TAOK3: variants seen among roughly 807,000 people sequenced by gnomAD.
TAOK3 encodes the protein TAO kinase 3.
A neutral mutation model predicts 120.4 loss-of-function variants in TAOK3; 40 were observed. The observed-to-expected ratio is 0.33, with a 90% CI of 0.26 to 0.43. The LOEUF (loss-of-function observed/expected upper bound fraction) is 0.43. TAOK3 is among the 20% of genes least tolerant of loss of function. TAOK3 has a pLI of 1.00. For synonymous variants in TAOK3, 355 were observed against 387.5 expected (o/e 0.92, Z 0.99); for missense variants, 821 against 1,112.1 (o/e 0.74, Z 3.72).
intron 1 of TAOK3, among the ~76,000 whole-genome samples, chr12:118,328,375 T>A (rs1026591030): frequency 6.6e-6 from 1 of 152,182 alleles, no homozygotes; most frequent in Non-Finnish European, 1.5e-5. Context: ...TATTGAGTTC[T>A]TAAAATGACC....
In TAOK3 at chr12:118,255,670, G is replaced by T. The variant is rs1234795357; in HGVS notation, c.-88-15C>A. On this transcript the variant is annotated splice_polypyrimidine_tract_variant and intron_variant, in intron 2 of 20. Transcript: ENST00000392533. ...ATCTTCAGTACCTGTAGAAAAATAA[G>T]GTTTGCCATTAAATTATTTCTAACA... 53 of 1,228,242 alleles carry T rather than the reference G, an allele frequency of 4.3e-5. No homozygotes were observed. In the Middle Eastern group the frequency reaches 1.0e-3, roughly 23 times the overall value. The allele number at this position is 1,228,242 out of a possible 1,614,324, so 76.1% of individuals were successfully genotyped here.
intron 15 of TAOK3, among the ~76,000 whole-genome samples, chr12:118,180,590 TC>T (rs1361200612): frequency 2.0e-5 from 3 of 152,282 alleles, no homozygotes; most frequent in African/African-American, 7.2e-5. Context: ...CGAGAGATGT[TC>T]CCTAGAAAAT....
chr12:118,226,755 A>C (rs546316465), intron 9 of TAOK3, among the ~76,000 whole-genome samples: 1 of 152,312 alleles, frequency 6.6e-6, no homozygotes, highest in South Asian at 2.1e-4. Context: ...TCATTTTATA[A>C]AATGCAATCA....
Position 118,199,184 on chromosome 12 carries a change from G to A in TAOK3, c.1061C>T (p.Ser354Phe). The change falls in exon 13 of 21, where the codon TCC (serine) becomes TTC (phenylalanine). Residue 354 changes from serine to phenylalanine, a missense_variant. By Grantham distance (155) the Ser-to-Phe change is radical. Around this residue, in one of 2 missense-constraint regions of TAOK3, gnomAD observed 467 missense variants for 540.0 expected, o/e 0.86. Transcript: ENST00000392533. ...GCTGCTCTGGCTGCCTGTGCTCACGGACATGCTTGGAATGGAATGGTTGCT... is the reference window on the plus strand; with the variant it reads ...GCTGCTCTGGCTGCCTGTGCTCACGAACATGCTTGGAATGGAATGGTTGCT... ...LGSNHSIPSM[S>F]VSTGSQSSSV... is the part of the protein sequence containing the mutation. 6.2e-7 allele frequency: 1 copy of A among 1,614,160 alleles called. No individual in the cohort carries two copies. The highest frequency in any genetic ancestry group is 8.5e-7 in the Non-Finnish European group (1 of 1,180,022).
intron 1 of TAOK3, among the ~76,000 whole-genome samples, chr12:118,269,668 C>A (rs1051142180): frequency 2.0e-5 from 3 of 152,142 alleles, no homozygotes; most frequent in African/African-American, 7.2e-5. Context: ...CTGCGCCCAG[C>A]CCACTTTTAC....
intron 1 of TAOK3, among the ~76,000 whole-genome samples, chr12:118,288,780 G>A (rs933285749): frequency 2.6e-5 from 4 of 151,806 alleles, no homozygotes; most frequent in Non-Finnish European, 4.4e-5. Flanking sequence ...TCTGGGTGTG[G>A]CAGCATGCAC....
chr12:118,236,955 AC>A (rs1191674475), intron 7 of TAOK3, among the ~76,000 whole-genome samples: 1 of 152,180 alleles, frequency 6.6e-6, no homozygotes, highest in Non-Finnish European at 1.5e-5. Context: ...GGCACAAAAA[AC>A]TGAACTGTAG....
At chr12:118,331,825 G>T (rs1459667527) in intron 1 of TAOK3, among the ~76,000 whole-genome samples, 1 of 150,452 alleles carries the variant, frequency 6.6e-6, no homozygotes, top group Non-Finnish European at 1.5e-5. Flanking sequence ...ACAAATACAT[G>T]AATTTTTTTT....
intron 9 of TAOK3, among the ~76,000 whole-genome samples, chr12:118,223,135 T>C (rs961938212): frequency 4.0e-5 from 6 of 149,252 alleles, no homozygotes; most frequent in African/African-American, 1.2e-4. Flanking sequence ...AGCGGCGTGA[T>C]CTCGGCTCAC....
intron 5 of TAOK3, among the ~76,000 whole-genome samples, chr12:118,240,079 A>T (rs2040180122): frequency 6.6e-6 from 1 of 152,134 alleles, no homozygotes; most frequent in Non-Finnish European, 1.5e-5. Context: ...AAGGACGGAG[A>T]ATCGCTGGAA....
At position 118,282,339 on chromosome 12, in the gene TAOK3, G is replaced by A. The variant is rs980425344; in HGVS notation, c.-193-15580C>T. On this transcript the variant is annotated intron_variant, in intron 1 of 20. Coordinates refer to ENST00000392533, the MANE Select transcript of TAOK3 (RefSeq NM_016281.4). ...GAATCTAATCTTACTTGATCACATT[G>A]TTATTTAAAAAGTTATAGAGAATTA... Among the ~76,000 whole-genome samples, 6 of 152,190 alleles carry A rather than the reference G, an allele frequency of 3.9e-5. No homozygotes were observed. The East Asian group carries it at 9.6e-4, about 24-fold the overall frequency.
chr12:118,314,697 CTGACA>C (rs1025576904), intron 1 of TAOK3, among the ~76,000 whole-genome samples: 5 of 152,118 alleles, frequency 3.3e-5, no homozygotes, highest in African/African-American at 1.2e-4. Flanking sequence ...ATGGACTAAC[CTGACA>C]TAAGTTATCC....
At chr12:118,340,530 C>T (rs1473852869) in intron 1 of TAOK3, among the ~76,000 whole-genome samples, 1 of 152,046 alleles carries the variant, frequency 6.6e-6, no homozygotes, top group Admixed American at 6.6e-5. Context: ...GGAATAAAGA[C>T]ATCTAAATCA....
chr12:118,307,265 T>C (rs1176880103), intron 1 of TAOK3, among the ~76,000 whole-genome samples: 2 of 151,822 alleles, frequency 1.3e-5, no homozygotes, highest in Non-Finnish European at 2.9e-5. Flanking sequence ...CTCTTTAAAA[T>C]CATTTGTAAA....
chr12:118,255,601 T>C lies in TAOK3; in HGVS notation c.-34A>G. On this transcript the variant is annotated 5_prime_UTR_variant, in exon 3 of 21. It removes the in-frame stop codon of an upstream open reading frame in the 5' UTR. Transcript: ENST00000392533. ...GTAGAGCAGGCTCTGCTTTTTGATA[T>C]CAGTTAGCTTTATTTCTCATTGACA... 2.5e-6 allele frequency: 4 copies of C among 1,570,118 alleles called. No individual in the cohort carries two copies. Among genetic ancestry groups the C allele is most frequent in the Non-Finnish European group, 3.4e-6 (4 of 1,160,050 alleles).
intron 3 of TAOK3, among the ~76,000 whole-genome samples, chr12:118,253,871 A>T (rs2040866936): frequency 6.6e-6 from 1 of 152,220 alleles, no homozygotes; most frequent in South Asian, 2.1e-4. Context: ...CAACATGGTG[A>T]AACCCGGTCT....
At chr12:118,369,838 T>C (rs2045848199) in intron 1 of TAOK3, among the ~76,000 whole-genome samples, 1 of 152,194 alleles carries the variant, frequency 6.6e-6, no homozygotes, top group African/African-American at 2.4e-5. Flanking sequence ...CTCTCATCTG[T>C]ATAATTTCTA....
At chr12:118,250,267 G>A (rs2040692329) in intron 3 of TAOK3, among the ~76,000 whole-genome samples, 1 of 151,892 alleles carries the variant, frequency 6.6e-6, no homozygotes, top group Non-Finnish European at 1.5e-5. Flanking sequence ...AACCAATGAT[G>A]CAAATTTCAA....
Position 118,160,051 on chromosome 12 carries a change from T to G in TAOK3, c.2352+95A>C. The G allele has an allele frequency of 9.3e-7, 1 of 1,080,726 alleles. No homozygotes were observed. The highest frequency in any genetic ancestry group is 1.4e-6 in the Non-Finnish European group (1 of 712,710). 66.9% of individuals were successfully genotyped at this position (1,080,726 alleles called of 1,614,324 possible). Reference sequence around the variant, plus strand: ...GCAGAAAAACATCAATATCCTAAATTTGTGCAAGAATCATCTTGGGAACAA... The same window carrying G: ...GCAGAAAAACATCAATATCCTAAATGTGTGCAAGAATCATCTTGGGAACAA... On this transcript the variant is annotated intron_variant, in intron 19 of 20. Transcript: ENST00000392533. The surrounding 1 kb of genome is among the most constrained non-coding windows in gnomAD (Gnocchi z 4.2).
Sources: allele counts gnomAD v4.1 joint callset (sites outside exome capture counted in the v4.1 genomes callset), GRCh38; gene constraint gnomAD v4.1.1; regional missense constraint gnomAD v4.1.1; non-coding constraint Gnocchi (gnomAD v3.1); transcripts MANE v1.5; gene names NCBI Gene and HGNC (gene_info 2026-07-23, HGNC 2026-07-21).